GGH: variants seen among roughly 807,000 people sequenced by gnomAD.
The protein encoded by GGH is gamma-glutamyl hydrolase.
In GGH, 18 loss-of-function variants were observed where a neutral mutation model predicts 39.2. That is an observed-to-expected ratio of 0.46 (90% confidence interval 0.32 to 0.68). The LOEUF (loss-of-function observed/expected upper bound fraction) is 0.68. Among genes scored for constraint, GGH ranks in the 30% least tolerant of loss-of-function variants. The pLI is 0.04. For synonymous variants in GGH, 147 were observed against 138.8 expected (o/e 1.06, Z -0.42); for missense variants, 367 against 384.1 (o/e 0.96, Z 0.37).
rs146419374 is a variant in GGH at position 63,019,983 on chromosome 8, G to A, written c.698-2353C>T. Among the ~76,000 whole-genome samples, 628 of 152,302 alleles carry A rather than the reference G, an allele frequency of 4.1e-3. 3 individuals carry two copies. The highest frequency in any genetic ancestry group is 7.3e-3 in the Admixed American group (112 of 15,298). ...TCTTTAGGGATGAACTAAAAGGTTG[G>A]TATCATCATGGGCAAAAGTGTCTTA... On this transcript the variant is annotated intron_variant, in intron 7 of 8. Coordinates refer to ENST00000260118, the MANE Select transcript of GGH (RefSeq NM_003878.3).
At chr8:63,026,045 T>C (rs750967672) in intron 5 of GGH, 113 bp downstream of exon 5, 18 of 839,766 alleles carry the variant, frequency 2.1e-5, no homozygotes, top group Non-Finnish European at 2.9e-5. Flanking sequence ...CATTTTTTCC[T>C]TCAGGGAAAA....
chr8:63,038,726 G>C lies in GGH; in HGVS notation c.43C>G (p.Leu15Val). Residue 15 changes from leucine (L) to valine (V), a missense_variant, in exon 1 of 9, where the codon CTC (leucine) becomes GTC (valine). Physicochemically the swap from Leu to Val is conservative, Grantham distance 32. Coordinates refer to ENST00000260118, the MANE Select transcript of GGH (RefSeq NM_003878.3). ...GCLLCVLGLL[L>V]CGAASLELSR... The stretch of plus-strand genomic sequence containing the variant: ...AGCTCGAGGCTCGCCGCCCCGCAGA[G>C]TAGCAGGCCCAGCACGCACAGCAGG... 6.3e-7 allele frequency: 1 copy of C among 1,584,924 alleles called. No individual in the cohort carries two copies. Among genetic ancestry groups the C allele is most frequent in the Non-Finnish European group, 8.6e-7 (1 of 1,166,978 alleles).
intron 2 of GGH, among the ~76,000 whole-genome samples, chr8:63,031,892 G>C (rs949812356): frequency 6.6e-6 from 1 of 152,284 alleles, no homozygotes; most frequent in Admixed American, 6.5e-5. Context: ...GGTGATGATG[G>C]CAAATGACAC....
chr8:63,038,638 C>T, intron 1 of GGH, 22 bp downstream of exon 1: 5 of 1,311,964 alleles, frequency 3.8e-6, no homozygotes, highest in East Asian at 2.7e-5. Flanking sequence ...CCGTCTGCTG[C>T]GGCCCCGCAC....
At chr8:63,015,530 T>C in intron 8 of GGH, 77 bp from the exon 9 acceptor site, 1 of 874,114 alleles carries the variant, frequency 1.1e-6, no homozygotes. Flanking sequence ...TATTTCTTCC[T>C]GCAATCAGCA....
Position 63,030,218 on chromosome 8 carries a change from C to T in GGH, c.225-1G>A. The T allele has an allele frequency of 1.5e-6, 2 of 1,340,368 alleles. No homozygotes were observed. Among genetic ancestry groups the T allele is most frequent in the Non-Finnish European group, 2.1e-6 (2 of 932,880 alleles). The allele number at this position is 1,340,368 out of a possible 1,614,324, so 83.0% of individuals were successfully genotyped here. A position where few individuals can be genotyped will look rare whatever the true frequency, so the allele number is the denominator to read the frequency against. On this transcript the variant is annotated splice_acceptor_variant, in intron 2 of 8. Transcript: ENST00000260118. LOFTEE classifies it high-confidence loss of function. Reference sequence around the variant, plus strand: ...ATAGTCTTTCTCTGTAAGATCCAGCCTGAAAACAATAAAAGTTATTGTTAC... The same window carrying T: ...ATAGTCTTTCTCTGTAAGATCCAGCTTGAAAACAATAAAAGTTATTGTTAC...
Position 63,023,898 on chromosome 8 carries a change from G to A in GGH, c.697+9C>T. On this transcript the variant is annotated intron_variant, in intron 7 of 8. Coordinates refer to ENST00000260118, the MANE Select transcript of GGH (RefSeq NM_003878.3). ...AGTGAAATAAAGTATACATGTTATA[G>A]TGATATACCTTCCATTGTTGAAATA... is the stretch of plus-strand genomic sequence containing the variant. 6.5e-7 allele frequency: 1 copy of A among 1,536,626 alleles called. No homozygotes were observed. The highest frequency in any genetic ancestry group is 8.9e-7 in the Non-Finnish European group (1 of 1,127,012).
At chr8:63,032,433 A>G (rs1804823587) in intron 2 of GGH, among the ~76,000 whole-genome samples, 1 of 152,212 alleles carries the variant, frequency 6.6e-6, no homozygotes, top group South Asian at 2.1e-4. Flanking sequence ...GAAGCAGGAC[A>G]TTCTCTTTTC....
intron 5 of GGH, chr8:63,024,550 A>G (rs1804649990): frequency 6.1e-6 from 1 of 164,162 alleles, no homozygotes; most frequent in African/African-American, 2.4e-5. Flanking sequence ...CCAGGAAAGT[A>G]TCCAAAACTT....
Position 63,019,957 on chromosome 8 carries a change from T to G in GGH, c.698-2327A>C, listed in dbSNP as rs149913274. ...GTGGTTCAATTCACAGGACCCTCAG[T>G]TCTTTAGGGATGAACTAAAAGGTTG... On this transcript the variant is annotated intron_variant, in intron 7 of 8. Coordinates refer to ENST00000260118, the MANE Select transcript of GGH (RefSeq NM_003878.3). Among the ~76,000 whole-genome samples the G allele has an allele frequency of 5.3e-4, 80 of 152,356 alleles. 1 individual carries two copies. The East Asian group carries it at 0.015, about 29-fold the overall frequency.
Position 63,027,250 on chromosome 8 carries a change from TC to T in GGH, c.290del (p.Gly97GlufsTer47). 6.3e-7 allele frequency: 1 copy of T among 1,594,470 alleles called. No homozygotes were observed. The highest frequency in any genetic ancestry group is 1.3e-5 in the African/African-American group (1 of 74,584). ...CTGAGCGTCTGAGGTCAACACTTCC[TC>T]CAGGGAAAAGGATTCTGAAACAACG... Reference protein sequence around the residue: ...FKSINGILFPGGSVDLRRSDY... With the variant: ...FKSINGILFPXGSVDLRRSDY... On this transcript the variant is annotated frameshift_variant, in exon 4 of 9. Transcript: ENST00000260118. LOFTEE classifies it high-confidence loss of function.
chr8:63,018,444 G>C (rs1222056285), intron 7 of GGH, among the ~76,000 whole-genome samples: 1 of 152,186 alleles, frequency 6.6e-6, no homozygotes, highest in Non-Finnish European at 1.5e-5. Context: ...AGTACTTGGA[G>C]AAATGAAGTG....
Position 63,024,162 on chromosome 8 carries a change from TG to T in GGH, c.523del (p.Gln175ArgfsTer11). 1 of 1,605,156 alleles carries T rather than the reference TG, an allele frequency of 6.2e-7. No homozygotes were observed. The highest frequency in any genetic ancestry group is 8.5e-7 in the Non-Finnish European group (1 of 1,172,150). On this transcript the variant is annotated frameshift_variant, in exon 6 of 9. Transcript: ENST00000260118. LOFTEE classifies it high-confidence loss of function. ...CAGCAACAACTCAGTAGGAAAATTC[TG>T]GAACATTCTGCTGTGCAATTGACCT... Reference protein sequence around the residue: ...TGGQLHSRMFQNFPTELLLSL... With the variant: ...TGGQLHSRMFXNFPTELLLSL...
At chr8:63,035,989 A>G (rs1804901366) in intron 1 of GGH, among the ~76,000 whole-genome samples, 3 of 152,154 alleles carry the variant, frequency 2.0e-5, no homozygotes, top group African/African-American at 4.8e-5. Context: ...GGGAGGCCAA[A>G]TAAGCCCCCA....
intron 5 of GGH, 34 bp from the exon 6 acceptor site, chr8:63,024,220 A>C (rs771364585): frequency 7.6e-7 from 1 of 1,312,890 alleles, no homozygotes; most frequent in African/African-American, 1.5e-5. Context: ...AAATAATTTA[A>C]ACACAAAAAA....
At chr8:63,033,568 G>T (rs1804844162) in intron 2 of GGH, among the ~76,000 whole-genome samples, 1 of 152,012 alleles carries the variant, frequency 6.6e-6, no homozygotes, top group Non-Finnish European at 1.5e-5. Context: ...TTTTATTTCT[G>T]TAGCATTAGT....
chr8:63,021,550 A>G (rs529625023), intron 7 of GGH, among the ~76,000 whole-genome samples: 115 of 151,802 alleles, frequency 7.6e-4, no homozygotes, highest in African/African-American at 2.6e-3. Context: ...ATGGTTTTTT[A>G]CTTTGGTTTC....
intron 3 of GGH, among the ~76,000 whole-genome samples, chr8:63,027,694 T>A (rs1261849275): frequency 6.6e-6 from 1 of 152,170 alleles, no homozygotes. Flanking sequence ...ATAATTTAAC[T>A]ATAAAGAACA....
intron 2 of GGH, among the ~76,000 whole-genome samples, chr8:63,031,260 C>A (rs1209762008): frequency 6.6e-6 from 1 of 152,212 alleles, no homozygotes; most frequent in Non-Finnish European, 1.5e-5. Flanking sequence ...TAAGTCCAAA[C>A]AAGCTTTGCA....
Sources: gnomAD v4.1 joint callset for allele counts (sites outside exome capture counted in the v4.1 genomes callset) on GRCh38, gnomAD v4.1.1 for gene constraint, MANE v1.5 for transcripts, NCBI Gene and HGNC (gene_info 2026-07-23, HGNC 2026-07-21) for gene names.